Variants in GLI3 observed in about 807,000 individuals in gnomAD.
GLI3 encodes the protein transcription activator GLI3.
GLI3 carries 20 observed loss-of-function variants against 100.8 expected under a neutral mutation model. The observed-to-expected ratio is 0.20, with a 90% CI of 0.14 to 0.29. The LOEUF is 0.29. Ranked by LOEUF, GLI3 falls within the 10% of genes least tolerant of loss-of-function variation. The probability of loss-of-function intolerance (pLI) is 1.00; values close to 1 mark genes in which losing one functional copy is unlikely to be tolerated. For missense variants in GLI3, 2,040 were observed against 2,128.5 expected (o/e 0.96, Z 0.82); for synonymous variants, 938 against 860.5 (o/e 1.09, Z -1.58).
At chr7:42,113,482 G>GC in intron 3 of GLI3, 1 of 806,476 alleles carries the variant, frequency 1.2e-6, no homozygotes, top group African/African-American at 1.7e-5. Context: ...GCCAGAGCAA[G>GC]CCTAAAAAGG....
chr7:42,250,038 T>A (rs968944093), intron 1 of GLI3, among the ~76,000 whole-genome samples: 6 of 152,040 alleles, frequency 3.9e-5, no homozygotes, highest in African/African-American at 1.4e-4. Context: ...AAGGCTGCAG[T>A]GAGCCAAGAT....
intron 10 of GLI3, among the ~76,000 whole-genome samples, chr7:42,011,345 T>A (rs1051392060): frequency 3.0e-4 from 45 of 152,222 alleles, no homozygotes; most frequent in Non-Finnish European, 1.5e-5. Flanking sequence ...AACCCTGCCA[T>A]AGCTTTAGCA....
At chr7:42,156,783 T>C (rs2128791358) in intron 2 of GLI3, among the ~76,000 whole-genome samples, 1 of 152,340 alleles carries the variant, frequency 6.6e-6, no homozygotes, top group African/African-American at 2.4e-5. Flanking sequence ...CTTCTTCCTT[T>C]GGCAGTGCTT....
intron 6 of GLI3, among the ~76,000 whole-genome samples, chr7:42,042,265 C>T (rs980708291): frequency 6.6e-6 from 1 of 152,106 alleles, no homozygotes; most frequent in Non-Finnish European, 1.5e-5. Context: ...CCGCCAGTCT[C>T]GGCCTCCCAA....
chr7:42,253,788 T>C (rs1007481570), intron 1 of GLI3, among the ~76,000 whole-genome samples: 1 of 152,218 alleles, frequency 6.6e-6, no homozygotes, highest in Admixed American at 6.5e-5. Context: ...GCCATGATTG[T>C]TACGCTAAGA....
At chr7:42,237,277 G>C (rs1310000890), upstream of GLI3, among the ~76,000 whole-genome samples, 1 of 151,516 alleles carries the variant, frequency 6.6e-6, no homozygotes, top group African/African-American at 2.4e-5. Flanking sequence ...ATCAGTTTCG[G>C]GGATCGTGTA....
intron 2 of GLI3, among the ~76,000 whole-genome samples, chr7:42,156,634 G>A (rs954336534): frequency 6.6e-6 from 1 of 152,202 alleles, no homozygotes; most frequent in South Asian, 2.1e-4. Flanking sequence ...GAGTGTCCAG[G>A]TTGCTGCCAC....
intron 7 of GLI3, among the ~76,000 whole-genome samples, chr7:42,035,407 C>T (rs1022886030): frequency 1.3e-5 from 2 of 152,174 alleles, no homozygotes; most frequent in Admixed American, 6.5e-5. Flanking sequence ...ACAACTTGCC[C>T]TCTCATCATC....
chr7:42,219,619 A>G (rs1051254330), intron 2 of GLI3, among the ~76,000 whole-genome samples: 9 of 152,330 alleles, frequency 5.9e-5, no homozygotes, highest in African/African-American at 1.7e-4. Context: ...AGCTGAGAAA[A>G]GTACGAAAAC....
At chr7:42,175,090 G>C (rs1787452241) in intron 2 of GLI3, among the ~76,000 whole-genome samples, 1 of 150,240 alleles carries the variant, frequency 6.7e-6, no homozygotes, top group Non-Finnish European at 1.5e-5. Context: ...AATTCCCAGA[G>C]AGACCCTGAG....
chr7:42,120,594 G>C (rs945533682), intron 3 of GLI3, among the ~76,000 whole-genome samples: 2 of 152,180 alleles, frequency 1.3e-5, no homozygotes, highest in Admixed American at 6.5e-5. Flanking sequence ...CCCTCTCCTT[G>C]ATGTCTTGTA....
At chr7:42,141,644 C>G (rs1786570922) in intron 3 of GLI3, among the ~76,000 whole-genome samples, 1 of 151,966 alleles carries the variant, frequency 6.6e-6, no homozygotes, top group Non-Finnish European at 1.5e-5. Context: ...TGCACTCCAG[C>G]CTGGGTGACA....
intron 11 of GLI3, 53 bp downstream of exon 11, chr7:41,978,546 T>G: frequency 6.3e-7 from 1 of 1,577,394 alleles, no homozygotes; most frequent in South Asian, 1.1e-5. Context: ...TGCACAGCTC[T>G]TATGAGTATG....
chr7:42,110,506 T>C (rs560418940), intron 3 of GLI3, among the ~76,000 whole-genome samples: 1 of 152,104 alleles, frequency 6.6e-6, no homozygotes, highest in Non-Finnish European at 1.5e-5. Context: ...TTTAAAACCA[T>C]GGTAAGTCCA....
intron 11 of GLI3, 76 bp downstream of exon 11, chr7:41,978,522 TG>T: frequency 7.3e-7 from 1 of 1,376,666 alleles, no homozygotes; most frequent in East Asian, 2.3e-5. Context: ...TCCCCTGAGC[TG>T]GTGTCATCAG....
intron 2 of GLI3, among the ~76,000 whole-genome samples, chr7:42,164,762 G>A (rs555621131): frequency 6.7e-6 from 1 of 149,444 alleles, no homozygotes; most frequent in Middle Eastern, 3.8e-3. Flanking sequence ...CTCAGGAGGT[G>A]GAGCTTGCAG....
chr7:42,005,912 G>T (rs191401842), intron 10 of GLI3, among the ~76,000 whole-genome samples: 11 of 152,154 alleles, frequency 7.2e-5, no homozygotes, highest in Admixed American at 2.0e-4. Context: ...TGAGGGATGG[G>T]TATCTCACAT....
chr7:42,037,140 C>CA (rs200356442), intron 7 of GLI3, among the ~76,000 whole-genome samples: 3,902 of 150,652 alleles, frequency 0.026, 138 homozygotes, highest in African/African-American at 0.088. Context: ...AACTCTGTCT[C>CA]AAAAAAAAAT....
chr7:41,980,779 C>G (rs1787642554), intron 10 of GLI3, among the ~76,000 whole-genome samples: 1 of 152,198 alleles, frequency 6.6e-6, no homozygotes, highest in Non-Finnish European at 1.5e-5. Flanking sequence ...GTTCCCTGTT[C>G]TCTCTCATGC....
Sources: allele counts gnomAD v4.1 joint callset (sites outside exome capture counted in the v4.1 genomes callset), GRCh38; gene constraint gnomAD v4.1.1; transcripts MANE v1.5; gene names NCBI Gene and HGNC (gene_info 2026-07-23, HGNC 2026-07-21).